The following ABCG1 variants were observed in gnomAD, a reference collection of about 807,000 sequenced individuals.
ABCG1 encodes the protein ATP binding cassette subfamily G member 1.
In ABCG1, 29 loss-of-function variants were observed where a neutral mutation model predicts 69.2. The ratio of observed to expected loss-of-function variants is 0.42; its 90% CI spans 0.31 to 0.57. ABCG1 has a LOEUF of 0.57. ABCG1 is among the 20% of genes least tolerant of loss of function. The probability of loss-of-function intolerance (pLI) is 0.15; values close to 1 mark genes in which losing one functional copy is unlikely to be tolerated. For missense variants in ABCG1, 718 were observed against 898.1 expected (o/e 0.80, Z 2.56); for synonymous variants, 370 against 374.8 (o/e 0.99, Z 0.15).
intron 2 of ABCG1, among the ~76,000 whole-genome samples, chr21:42,260,568 G>A (rs995150917): frequency 2.0e-5 from 3 of 152,150 alleles, no homozygotes; most frequent in Admixed American, 6.5e-5. Context: ...TCCACCAAAC[G>A]CACACCAACT....
intron 2 of ABCG1, among the ~76,000 whole-genome samples, chr21:42,266,710 AG>A (rs1375362480): frequency 6.6e-6 from 1 of 152,166 alleles, no homozygotes; most frequent in Non-Finnish European, 1.5e-5. Flanking sequence ...TGTGTTAAGG[AG>A]CAAGGATTTT....
chr21:42,232,488 G>C (rs575052679), intron 2 of ABCG1, among the ~76,000 whole-genome samples: 4 of 152,336 alleles, frequency 2.6e-5, no homozygotes, highest in African/African-American at 9.6e-5. Context: ...AGATTGGCAG[G>C]TTCTTTATTT....
chr21:42,248,954 G>A (rs1201838649), intron 2 of ABCG1, among the ~76,000 whole-genome samples: 1 of 151,214 alleles, frequency 6.6e-6, no homozygotes, highest in African/African-American at 2.4e-5. Flanking sequence ...GGTCCACAGT[G>A]GAATATTATA....
chr21:42,235,779 G>A (rs1416980990), intron 2 of ABCG1, among the ~76,000 whole-genome samples: 1 of 152,142 alleles, frequency 6.6e-6, no homozygotes, highest in Non-Finnish European at 1.5e-5. Flanking sequence ...TCAGACTTAA[G>A]GTCTGTGTTG....
At chr21:42,285,167 A>G (rs1401638145) in intron 7 of ABCG1, among the ~76,000 whole-genome samples, 1 of 152,118 alleles carries the variant, frequency 6.6e-6, no homozygotes. Flanking sequence ...AATTAATAAC[A>G]GGTTACAGCA....
At chr21:42,204,485 T>C (rs2067528608) in intron 2 of ABCG1, among the ~76,000 whole-genome samples, 1 of 152,232 alleles carries the variant, frequency 6.6e-6, no homozygotes, top group Admixed American at 6.5e-5. Context: ...TCTGCATCAA[T>C]TGGCATGATC....
intron 2 of ABCG1, among the ~76,000 whole-genome samples, chr21:42,241,100 T>C (rs1383745469): frequency 3.3e-5 from 5 of 152,240 alleles, no homozygotes; most frequent in Admixed American, 3.3e-4. Flanking sequence ...TCTCTGGGAC[T>C]CTTATCCTTC....
intron 1 of ABCG1, among the ~76,000 whole-genome samples, chr21:42,224,615 A>G (rs1012025875): frequency 7.9e-5 from 12 of 152,198 alleles, no homozygotes; most frequent in African/African-American, 2.9e-4. Flanking sequence ...TTTTGATTTC[A>G]TGAAGGACTT....
chr21:42,250,314 C>T (rs888259138), intron 2 of ABCG1, among the ~76,000 whole-genome samples: 10 of 152,078 alleles, frequency 6.6e-5, no homozygotes, highest in African/African-American at 2.4e-4. Context: ...TGCTTCCAGT[C>T]TTATTTTGAA....
rs60948340 is a variant in ABCG1, at chr21:42,201,470, T to C, written c.-99-107T>C. ...GCCCCATTCCTAACGGGCCACGGACTGGTCTGCAGCCCAGGGGTTGGGGAC... is the reference window on the plus strand; with the variant it reads ...GCCCCATTCCTAACGGGCCACGGACCGGTCTGCAGCCCAGGGGTTGGGGAC... On this transcript the variant is annotated intron_variant, in intron 1 of 15. Coordinates refer to the ABCG1 transcript ENST00000398457. 0.015 allele frequency: 9,524 copies of C among 656,338 alleles called. 764 individuals are homozygous for C. The African/African-American group carries it at 0.16, about 11-fold the overall frequency. The allele number at this position is 656,338 out of a possible 1,614,324, so 40.7% of individuals were successfully genotyped here. A position where few individuals can be genotyped will look rare whatever the true frequency, so the allele number is the denominator to read the frequency against.
intron 4 of ABCG1, among the ~76,000 whole-genome samples, chr21:42,274,365 C>T (rs1017440757): frequency 1.3e-5 from 2 of 152,126 alleles, no homozygotes; most frequent in African/African-American, 4.8e-5. Context: ...CCTCTTGGGG[C>T]CACAGAAGGG....
intron 5 of ABCG1, 68 bp from the exon 6 acceptor site, chr21:42,282,206 G>A: frequency 6.4e-7 from 1 of 1,565,864 alleles, no homozygotes; most frequent in Admixed American, 1.8e-5. Context: ...AGGTCTTCCT[G>A]CATGGGCCAT....
intron 1 of ABCG1, chr21:42,220,183 A>G (rs944817020): frequency 1.4e-6 from 1 of 716,352 alleles, no homozygotes; most frequent in Non-Finnish European, 2.3e-6. Context: ...TACGCCCAGC[A>G]CACCAACATC....
intron 2 of ABCG1, among the ~76,000 whole-genome samples, chr21:42,254,657 G>A (rs1443690342): frequency 1.3e-5 from 2 of 152,256 alleles, no homozygotes; most frequent in Non-Finnish European, 2.9e-5. Flanking sequence ...CGATGAGAAG[G>A]CCCTTAGGCA....
chr21:42,207,360 T>C (rs2067551459), intron 2 of ABCG1, among the ~76,000 whole-genome samples: 1 of 152,256 alleles, frequency 6.6e-6, no homozygotes, highest in Non-Finnish European at 1.5e-5. Context: ...TCCATTCTGC[T>C]ATTAAGCCCA....
At chr21:42,293,623 A>C (rs2069137870) in intron 13 of ABCG1, among the ~76,000 whole-genome samples, 2 of 118,182 alleles carry the variant, frequency 1.7e-5, no homozygotes, top group Non-Finnish European at 1.7e-5. Context: ...ACTACACACT[A>C]CACACCACAC....
Position 42,291,008 on chromosome 21 carries a change from C to A in ABCG1, c.1394-84C>A. The A allele has an allele frequency of 2.0e-6, 2 of 1,003,254 alleles. No individual in the cohort carries two copies. The highest frequency in any genetic ancestry group is 3.1e-6 in the Non-Finnish European group (2 of 643,424). The allele number at this position is 1,003,254 out of a possible 1,614,324, so 62.1% of individuals were successfully genotyped here. ...GGCCAGAGCTGGGTTACCAGCCGCT[C>A]AGCTCAAGATCGCCTGTTGGGATGT... On this transcript the variant is annotated intron_variant, in intron 11 of 14. Coordinates refer to ENST00000398449, the MANE Select transcript of ABCG1 (RefSeq NM_016818.3). This position sits in a 1 kb window ranked among gnomAD's most constrained non-coding sequence, Gnocchi z 6.4.
At chr21:42,202,172 G>C (rs2067511846) in intron 2 of ABCG1, among the ~76,000 whole-genome samples, 2 of 152,196 alleles carry the variant, frequency 1.3e-5, no homozygotes, top group African/African-American at 4.8e-5. Flanking sequence ...GTCTGCTATT[G>C]AGTATGGAGG....
At chr21:42,251,895 G>T (rs967184186) in intron 2 of ABCG1, among the ~76,000 whole-genome samples, 19 of 152,372 alleles carry the variant, frequency 1.2e-4, no homozygotes, top group African/African-American at 4.3e-4. Flanking sequence ...CAAGCACAGA[G>T]CCGAGGCCCA....
Sources: allele counts gnomAD v4.1 joint callset (sites outside exome capture counted in the v4.1 genomes callset), GRCh38; gene constraint gnomAD v4.1.1; non-coding constraint Gnocchi (gnomAD v3.1); transcripts MANE v1.5; gene names NCBI Gene and HGNC (gene_info 2026-07-23, HGNC 2026-07-21).